Variants in CDIN1 observed in about 807,000 individuals in gnomAD.
CDIN1 encodes CDAN1 interacting nuclease 1.
In CDIN1, 33 loss-of-function variants were observed where a neutral mutation model predicts 45.3. The observed-to-expected ratio is 0.73, with a 90% CI of 0.55 to 0.97. The LOEUF (loss-of-function observed/expected upper bound fraction) is 0.97, where lower values mean the gene tolerates loss of function less well. Ranked by LOEUF, CDIN1 falls within the 50% of genes least tolerant of loss-of-function variation. CDIN1 has a pLI of 0.00. For synonymous variants in CDIN1, 118 were observed against 124.4 expected (o/e 0.95, Z 0.34); for missense variants, 303 against 339.4 (o/e 0.89, Z 0.84).
At chr15:36,589,539 T>C (rs1032095265) in intron 1 of CDIN1, among the ~76,000 whole-genome samples, 1 of 151,602 alleles carries the variant, frequency 6.6e-6, no homozygotes, top group Admixed American at 6.6e-5. Context: ...GGAGTCTTGC[T>C]CTGCTTCCCA....
intron 10 of CDIN1, among the ~76,000 whole-genome samples, chr15:36,713,641 C>T (rs554704693): frequency 2.0e-5 from 3 of 152,292 alleles, no homozygotes; most frequent in African/African-American, 4.8e-5. Context: ...AAAGCACTTT[C>T]ACAGTGCCTG....
chr15:36,595,715 C>T (rs1181521094), intron 1 of CDIN1, among the ~76,000 whole-genome samples: 1 of 152,180 alleles, frequency 6.6e-6, no homozygotes, highest in Non-Finnish European at 1.5e-5. Flanking sequence ...CAGGACATAA[C>T]GAATTGACGA....
Position 36,628,924 on chromosome 15 carries a change from T to C in CDIN1, c.102-15354T>C, listed in dbSNP as rs539335625. Among the ~76,000 whole-genome samples, 5 of 152,226 alleles carry C rather than the reference T, an allele frequency of 3.3e-5. No individual in the cohort carries two copies. The East Asian group carries it at 9.6e-4, about 29-fold the overall frequency. On this transcript the variant is annotated intron_variant, in intron 1 of 10. Coordinates refer to ENST00000566621, the MANE Select transcript of CDIN1 (RefSeq NM_001321759.2). ...TGAGAAGAGCAAGGTAGAGGAAGTTTTTACCACACATACTAAAAGGCAATG... is the reference window on the plus strand; with the variant it reads ...TGAGAAGAGCAAGGTAGAGGAAGTTCTTACCACACATACTAAAAGGCAATG...
chr15:36,656,866 A>G (rs907274431), intron 4 of CDIN1, among the ~76,000 whole-genome samples: 10 of 152,268 alleles, frequency 6.6e-5, no homozygotes, highest in African/African-American at 2.2e-4. Flanking sequence ...AAATTTTGGT[A>G]TGAATACGGG....
intron 10 of CDIN1, among the ~76,000 whole-genome samples, chr15:36,746,477 C>A (rs2044437083): frequency 6.6e-6 from 1 of 152,114 alleles, no homozygotes; most frequent in Non-Finnish European, 1.5e-5. Context: ...TCCTTATATT[C>A]AGTACCATTT....
intron 10 of CDIN1, among the ~76,000 whole-genome samples, chr15:36,802,270 A>ACACT (rs1384797136): frequency 1.3e-5 from 2 of 152,126 alleles, no homozygotes; most frequent in African/African-American, 4.8e-5. Flanking sequence ...AGTTCTTGAA[A>ACACT]CACTGCCTGC....
chr15:36,762,904 T>C (rs1416729961), intron 10 of CDIN1, among the ~76,000 whole-genome samples: 1 of 152,144 alleles, frequency 6.6e-6, no homozygotes, highest in Admixed American at 6.5e-5. Flanking sequence ...GATGGACATT[T>C]GGGTTGGTTC....
At chr15:36,794,801 T>C (rs1249479249) in intron 10 of CDIN1, among the ~76,000 whole-genome samples, 8 of 152,226 alleles carry the variant, frequency 5.3e-5, no homozygotes, top group Non-Finnish European at 7.3e-5. Context: ...AAAATGCTCC[T>C]AGTCTAAAAT....
chr15:36,778,071 G>T (rs2054264124), intron 10 of CDIN1, among the ~76,000 whole-genome samples: 1 of 152,182 alleles, frequency 6.6e-6, no homozygotes, highest in African/African-American at 2.4e-5. Flanking sequence ...TGTTCAGCGT[G>T]CTCAGGAATG....
chr15:36,739,237 AAAAC>A (rs1566942007), intron 10 of CDIN1, among the ~76,000 whole-genome samples: 1 of 152,170 alleles, frequency 6.6e-6, no homozygotes, highest in Non-Finnish European at 1.5e-5. Flanking sequence ...ACAACAACAA[AAAAC>A]AAAAACAAAT....
chr15:36,594,719 G>C (rs1457484955), intron 1 of CDIN1: 1 of 158,112 alleles, frequency 6.3e-6, no homozygotes, highest in Non-Finnish European at 1.4e-5. Context: ...TGAGGTTAAG[G>C]TTGAGGTGAA....
At position 36,579,958 on chromosome 15, in the gene CDIN1, C is replaced by T. The variant is rs188412916; in HGVS notation, c.98C>T (p.Pro33Leu). Reference sequence around the variant, plus strand: ...CTGAGGAAGCTGAAGCAGAGGTTTCCCAGGTAAGTGTCCATCTCTCCCCTC... The same window carrying T: ...CTGAGGAAGCTGAAGCAGAGGTTTCTCAGGTAAGTGTCCATCTCTCCCCTC... ...QSLRKLKQRF[P>L]SQSQATLLSI... Residue 33 changes from proline to leucine, a missense_variant, in exon 1 of 11, where the codon CCC (proline) becomes CTC (leucine). Transcript: ENST00000566621. The T allele has an allele frequency of 4.5e-4, 726 of 1,612,566 alleles. No homozygotes were observed. The highest frequency in any genetic ancestry group is 5.6e-4 in the Non-Finnish European group (657 of 1,179,274).
chr15:36,773,274 A>G (rs1238934419), intron 10 of CDIN1, among the ~76,000 whole-genome samples: 1 of 152,200 alleles, frequency 6.6e-6, no homozygotes, highest in Non-Finnish European at 1.5e-5. Flanking sequence ...ATGGGGCAGT[A>G]CATCCATCCC....
At chr15:36,607,957 T>C (rs2038459452) in intron 1 of CDIN1, among the ~76,000 whole-genome samples, 1 of 152,228 alleles carries the variant, frequency 6.6e-6, no homozygotes, top group South Asian at 2.1e-4. Flanking sequence ...ATAATGGATA[T>C]TATACAATAC....
chr15:36,752,361 G>A (rs780444134), intron 10 of CDIN1, among the ~76,000 whole-genome samples: 3 of 152,222 alleles, frequency 2.0e-5, no homozygotes, highest in Non-Finnish European at 4.4e-5. Flanking sequence ...TAAAGTAGAT[G>A]AGGCTGCATC....
chr15:36,603,537 T>C (rs1045440461), intron 1 of CDIN1, among the ~76,000 whole-genome samples: 2 of 152,262 alleles, frequency 1.3e-5, no homozygotes, highest in Non-Finnish European at 2.9e-5. Flanking sequence ...TGGAGGGGGT[T>C]GGAGATACTT....
At chr15:36,806,031 G>C (rs543369105) in intron 10 of CDIN1, among the ~76,000 whole-genome samples, 2 of 152,278 alleles carry the variant, frequency 1.3e-5, no homozygotes, top group East Asian at 3.9e-4. Context: ...CCTAAACATA[G>C]TTCCATAAGA....
At chr15:36,691,906 C>A (rs186911708) in intron 6 of CDIN1, 142 bp downstream of exon 6, 1 of 780,314 alleles carries the variant, frequency 1.3e-6, no homozygotes, top group Non-Finnish European at 2.1e-6. Flanking sequence ...GCAGTATTTG[C>A]GAGAAGAGCA....
chr15:36,752,986 T>C (rs564557755), intron 10 of CDIN1, among the ~76,000 whole-genome samples: 1 of 152,286 alleles, frequency 6.6e-6, no homozygotes, highest in East Asian at 1.9e-4. Flanking sequence ...TAAATAGTGT[T>C]TTGGAAGAGA....
Sources: allele counts gnomAD v4.1 joint callset (sites outside exome capture counted in the v4.1 genomes callset), GRCh38; gene constraint gnomAD v4.1.1; transcripts MANE v1.5; gene names NCBI Gene and HGNC (gene_info 2026-07-23, HGNC 2026-07-21).